SRRM3: variants seen among roughly 807,000 people sequenced by gnomAD.
SRRM3 encodes the protein serine/arginine repetitive matrix protein 3.
A neutral mutation model predicts 66.2 loss-of-function variants in SRRM3; 27 were observed. The observed-to-expected ratio is 0.41, with a 90% confidence interval of 0.30 to 0.56. The LOEUF is 0.56. Ranked by LOEUF, SRRM3 falls within the 20% of genes least tolerant of loss-of-function variation. The pLI is 0.32. For missense variants in SRRM3, 918 were observed against 991.9 expected (o/e 0.93, Z 1.00); for synonymous variants, 391 against 414.9 (o/e 0.94, Z 0.70).
At chr7:76,224,612 C>T (rs782180887) in intron 1 of SRRM3, among the ~76,000 whole-genome samples, 2 of 152,048 alleles carry the variant, frequency 1.3e-5, no homozygotes, top group Non-Finnish European at 2.9e-5. Flanking sequence ...ATATTGTCTC[C>T]GTCGAGGTAT....
chr7:76,243,659 C>T lies in SRRM3; in HGVS notation c.234-4529C>T, dbSNP rs528437116. Among the ~76,000 whole-genome samples, 6 of 152,310 alleles carry T rather than the reference C, an allele frequency of 3.9e-5. No homozygotes were observed. In the South Asian group the frequency reaches 1.2e-3, roughly 32 times the overall value. On this transcript the variant is annotated intron_variant, in intron 2 of 14. Transcript: ENST00000611745. The stretch of plus-strand genomic sequence containing the variant: ...AGGGGGCTTGGATCCTGGCCTGAAA[C>T]CCCCTGCCAGCCCCCCACAAGCAGC...
At chr7:76,246,376 C>T (rs1173412496) in intron 2 of SRRM3, among the ~76,000 whole-genome samples, 1 of 151,932 alleles carries the variant, frequency 6.6e-6, no homozygotes, top group African/African-American at 2.4e-5. Context: ...CCAGCCTGGC[C>T]AACATAGTGA....
At chr7:76,271,990 C>T (rs56667193) in intron 11 of SRRM3, among the ~76,000 whole-genome samples, 4,656 of 152,196 alleles carry the variant, frequency 0.031, 225 homozygotes, top group African/African-American at 0.1. Flanking sequence ...AAATAAATAT[C>T]GAGGCACAGA....
chr7:76,252,547 C>T (rs1801604561), intron 3 of SRRM3, among the ~76,000 whole-genome samples: 1 of 152,052 alleles, frequency 6.6e-6, no homozygotes, highest in African/African-American at 2.4e-5. Context: ...GTCTCGAACT[C>T]CTGACCTCAA....
At chr7:76,229,551 G>A (rs1554604072) in intron 1 of SRRM3, among the ~76,000 whole-genome samples, 2 of 151,980 alleles carry the variant, frequency 1.3e-5, no homozygotes, top group Non-Finnish European at 2.9e-5. Context: ...TATATCCTAA[G>A]ATAACATGCA....
chr7:76,234,459 C>T (rs1269718346), intron 1 of SRRM3, among the ~76,000 whole-genome samples: 1 of 152,018 alleles, frequency 6.6e-6, no homozygotes, highest in African/African-American at 2.4e-5. Flanking sequence ...GAGAAGTTGG[C>T]CAGATCAAAC....
intron 11 of SRRM3, among the ~76,000 whole-genome samples, chr7:76,270,807 C>A (rs1321930847): frequency 1.4e-5 from 2 of 144,308 alleles, no homozygotes; most frequent in Non-Finnish European, 3.0e-5. Flanking sequence ...GAGTGAGACT[C>A]CGTCTCGGAA....
intron 1 of SRRM3, among the ~76,000 whole-genome samples, chr7:76,209,294 AG>A (rs1379093528): frequency 6.6e-6 from 1 of 152,188 alleles, no homozygotes; most frequent in Non-Finnish European, 1.5e-5. Flanking sequence ...GTGGAAAGGA[AG>A]GCAGTCATGA....
At chr7:76,250,398 A>C (rs1384465527) in intron 3 of SRRM3, among the ~76,000 whole-genome samples, 1 of 151,758 alleles carries the variant, frequency 6.6e-6, no homozygotes, top group Non-Finnish European at 1.5e-5. Flanking sequence ...CGCCCCGCTA[A>C]TTTTTTTGTA....
intron 11 of SRRM3, among the ~76,000 whole-genome samples, chr7:76,272,694 G>T (rs1257903427): frequency 1.3e-5 from 2 of 152,120 alleles, no homozygotes; most frequent in Non-Finnish European, 2.9e-5. Flanking sequence ...AGTGTCCGGG[G>T]CTGTCTGGAA....
chr7:76,282,666 G>C lies in SRRM3; in HGVS notation c.1389G>C (p.Pro463=). 1 of 1,173,744 alleles carries C rather than the reference G, an allele frequency of 8.5e-7. No individual in the cohort carries two copies. Among genetic ancestry groups the C allele is most frequent in the South Asian group, 1.6e-5 (1 of 60,742 alleles). 72.7% of individuals were successfully genotyped at this position (1,173,744 alleles called of 1,614,324 possible). A position where few individuals can be genotyped will look rare whatever the true frequency, so the allele number is the denominator to read the frequency against. ...GHGKRAKERP[P]RARPASTSPS... is the part of the protein sequence containing the mutation. The stretch of plus-strand genomic sequence containing the variant: ...CCTCCAGGGCCAAGGAGCGGCCCCC[G>C]CGCGCGCGGCCCGCCAGCACCTCTC... The change falls in exon 13 of 15, where the codon CCG becomes CCC. Residue 463 remains proline (P), a synonymous_variant. Transcript: ENST00000611745.
chr7:76,211,599 G>T (rs1426591393), intron 1 of SRRM3, among the ~76,000 whole-genome samples: 1 of 152,114 alleles, frequency 6.6e-6, no homozygotes, highest in East Asian at 1.9e-4. Flanking sequence ...GTGTTTTCAG[G>T]ACATAGGTCA....
At chr7:76,206,875 C>T (rs1381331534) in intron 1 of SRRM3, among the ~76,000 whole-genome samples, 2 of 152,306 alleles carry the variant, frequency 1.3e-5, no homozygotes, top group Non-Finnish European at 2.9e-5. Context: ...CGGAAGCTGA[C>T]GGACGGTGCC....
At chr7:76,239,508 A>G (rs1308350791) in intron 2 of SRRM3, among the ~76,000 whole-genome samples, 2 of 151,966 alleles carry the variant, frequency 1.3e-5, no homozygotes, top group Non-Finnish European at 2.9e-5. Flanking sequence ...GCATGGCAAC[A>G]TAGTGAGCCC....
chr7:76,267,540 CG>C, intron 11 of SRRM3, 105 bp downstream of exon 11: 1 of 110,036 alleles, frequency 9.1e-6, no homozygotes, highest in Non-Finnish European at 1.7e-5. Context: ...GGCATGGGGG[CG>C]GGGGCGGGGG....
intron 3 of SRRM3, among the ~76,000 whole-genome samples, chr7:76,253,608 G>A (rs900941619): frequency 2.0e-5 from 3 of 151,238 alleles, no homozygotes; most frequent in East Asian, 3.9e-4. Context: ...GTGACAGAGC[G>A]ACACTCCGTC....
chr7:76,209,343 C>T (rs1460824519), intron 1 of SRRM3, among the ~76,000 whole-genome samples: 1 of 152,116 alleles, frequency 6.6e-6, no homozygotes. Context: ...AGAACTAAGT[C>T]GTCCAAAGTG....
chr7:76,252,597 G>A (rs782011687), intron 3 of SRRM3, among the ~76,000 whole-genome samples: 3 of 151,940 alleles, frequency 2.0e-5, no homozygotes, highest in Non-Finnish European at 4.4e-5. Context: ...GAGATTACAG[G>A]CGTGAGCCAC....
At chr7:76,209,975 G>C (rs1554601571) in intron 1 of SRRM3, among the ~76,000 whole-genome samples, 1 of 152,212 alleles carries the variant, frequency 6.6e-6, no homozygotes, top group African/African-American at 2.4e-5. Context: ...AAATGCTCAG[G>C]TTTGCACTTC....
Sources: allele counts gnomAD v4.1 joint callset (sites outside exome capture counted in the v4.1 genomes callset), GRCh38; gene constraint gnomAD v4.1.1; transcripts MANE v1.5; gene names NCBI Gene and HGNC (gene_info 2026-07-23, HGNC 2026-07-21).